The following EPHB3 variants were observed in gnomAD, a reference collection of about 807,000 sequenced individuals.
EPHB3 encodes the protein EPH receptor B3.
In EPHB3, 33 loss-of-function variants were observed where a neutral mutation model predicts 100.2. The observed-to-expected ratio is 0.33, with a 90% CI of 0.25 to 0.44. The LOEUF (loss-of-function observed/expected upper bound fraction) is 0.44. Among genes scored for constraint, EPHB3 ranks in the 20% least tolerant of loss-of-function variants. The pLI is 1.00. For missense variants in EPHB3, 1,045 were observed against 1,378.3 expected (o/e 0.76, Z 3.83); for synonymous variants, 526 against 554.7 (o/e 0.95, Z 0.73).
Position 184,563,694 on chromosome 3 carries a change from CAT to C in EPHB3, c.118+1342_118+1343del, listed in dbSNP as rs1300738040. Among the ~76,000 whole-genome samples the C allele has an allele frequency of 5.3e-5, 8 of 152,230 alleles. No homozygotes were observed. Among genetic ancestry groups the C allele is most frequent in the Non-Finnish European group, 7.3e-5 (5 of 68,044 alleles). The stretch of plus-strand genomic sequence containing the variant: ...GCCCACACTCGCACACACTCACCCA[CAT>C]GTGTGTGATAGGATCGCAGGCGTGA... On this transcript the variant is annotated intron_variant, in intron 1 of 15. Transcript: ENST00000330394. This position sits in a 1 kb window ranked among gnomAD's most constrained non-coding sequence, Gnocchi z 4.1.
In EPHB3 at chr3:184,579,911, T is replaced by C. The variant is rs1426946874; in HGVS notation, c.2149T>C (p.Cys717Arg). The C allele has an allele frequency of 5.0e-6, 8 of 1,613,716 alleles. No individual in the cohort carries two copies. Among genetic ancestry groups the C allele is most frequent in the Non-Finnish European group, 8.5e-7 (1 of 1,179,938 alleles). ...GATCCTCACTGAGTTCATGGAAAAC[T>C]GCGCCCTGGACTCCTTCCTCCGGGT... ...VMILTEFMEN[C>R]ALDSFLRLND... The change falls in exon 11 of 16, where the codon TGC becomes CGC. Residue 717 changes from cysteine (C) to arginine (R), a missense_variant. Around this residue, in one of 2 missense-constraint regions of EPHB3, gnomAD observed 985 missense variants for 1,331.1 expected, o/e 0.74. Coordinates refer to ENST00000330394, the MANE Select transcript of EPHB3 (RefSeq NM_004443.4). This position sits in a 1 kb window ranked among gnomAD's most constrained non-coding sequence, Gnocchi z 5.2.
rs762788708 is a variant in EPHB3, at chr3:184,572,546, C to T, written c.226C>T (p.Arg76Cys). 2 of 1,557,644 alleles carry T rather than the reference C, an allele frequency of 1.3e-6. No homozygotes were observed. Among genetic ancestry groups the T allele is most frequent in the Non-Finnish European group, 1.7e-6 (2 of 1,156,524 alleles). The part of the protein sequence containing the change: ...SGYDEAMNPI[R>C]TYQVCNVRES... ...CTACGATGAGGCCATGAATCCCATCCGCACATACCAGGTGTGTAATGTGCG... is the reference window on the plus strand; with the variant it reads ...CTACGATGAGGCCATGAATCCCATCTGCACATACCAGGTGTGTAATGTGCG... The change falls in exon 3 of 16, where the codon CGC becomes TGC. Residue 76 changes from arginine (R) to cysteine (C), a missense_variant. Arg to Cys is a radical substitution (Grantham distance 180, BLOSUM62 -3). Coordinates refer to ENST00000330394, the MANE Select transcript of EPHB3 (RefSeq NM_004443.4). This position sits in a 1 kb window ranked among gnomAD's most constrained non-coding sequence, Gnocchi z 6.6.
Position 184,581,685 on chromosome 3 carries a change from G to A in EPHB3, c.*63G>A, listed in dbSNP as rs1382933503. 6 of 1,433,812 alleles carry A rather than the reference G, an allele frequency of 4.2e-6. No individual in the cohort carries two copies. In the Admixed American group the frequency reaches 7.9e-5, roughly 19 times the overall value. 88.8% of individuals were successfully genotyped at this position (1,433,812 alleles called of 1,614,324 possible). A position where few individuals can be genotyped will look rare whatever the true frequency, so the allele number is the denominator to read the frequency against. On this transcript the variant is annotated 3_prime_UTR_variant, in exon 16 of 16. Transcript: ENST00000330394. Reference sequence around the variant, plus strand: ...ATGCCAAGCAGCCGGCTGGACTTTCGGACTCTTGGACTTTTGGATGCCTGG... The same window carrying A: ...ATGCCAAGCAGCCGGCTGGACTTTCAGACTCTTGGACTTTTGGATGCCTGG...
chr3:184,568,493 G>A (rs943267675), intron 1 of EPHB3, among the ~76,000 whole-genome samples: 14 of 152,116 alleles, frequency 9.2e-5, no homozygotes, highest in Non-Finnish European at 2.9e-5. Context: ...TACAACACAC[G>A]TACACACACG....
In EPHB3 at chr3:184,579,540, G is replaced by A. The variant is rs763019589; in HGVS notation, c.1865G>A (p.Arg622Gln). 5.0e-6 allele frequency: 8 copies of A among 1,613,876 alleles called. No individual in the cohort carries two copies. The highest frequency in any genetic ancestry group is 1.1e-5 in the South Asian group (1 of 91,074). The change falls in exon 10 of 16, where the codon CGG becomes CAG. Residue 622 changes from arginine to glutamine, a missense_variant. Around this residue, in one of 2 missense-constraint regions of EPHB3, gnomAD observed 985 missense variants for 1,331.1 expected, o/e 0.74. Transcript: ENST00000330394. The surrounding 1 kb of genome is among the most constrained non-coding windows in gnomAD (Gnocchi z 5.2). ...FTYEDPNEAV[R>Q]EFAKEIDVSC... ...TACGAGGACCCTAATGAGGCTGTTC[G>A]GGAGTTTGCCAAGGAGATCGACGTG...
At position 184,578,046 on chromosome 3, in the gene EPHB3, A is replaced by G; in HGVS notation, c.1748+40A>G. ...ACTGTTGCTCCATGGGCCGCCTCGA[A>G]CTGCCCTTTAGCATCCTAGAGCCCT... On this transcript the variant is annotated intron_variant, in intron 8 of 15. Coordinates refer to ENST00000330394, the MANE Select transcript of EPHB3 (RefSeq NM_004443.4). The surrounding 1 kb of genome is among the most constrained non-coding windows in gnomAD (Gnocchi z 4.7). 1 of 1,604,296 alleles carries G rather than the reference A, an allele frequency of 6.2e-7. No homozygotes were observed. Among genetic ancestry groups the G allele is most frequent in the East Asian group, 2.2e-5 (1 of 44,810 alleles).
rs1395367748 is a variant in EPHB3 at position 184,565,765 on chromosome 3, G to A, written c.118+3412G>A. On this transcript the variant is annotated intron_variant, in intron 1 of 15. Transcript: ENST00000330394. The surrounding 1 kb of genome is among the most constrained non-coding windows in gnomAD (Gnocchi z 4.8). ...AGCTGGCCTTCTGAGCAGCTGCTGGGGGCCGGCAGGTATTTGGAAGAACCA... is the reference window on the plus strand; with the variant it reads ...AGCTGGCCTTCTGAGCAGCTGCTGGAGGCCGGCAGGTATTTGGAAGAACCA... 6.6e-6 allele frequency among the ~76,000 whole-genome samples: 1 copy of A among 152,194 alleles called. No homozygotes were observed. Among genetic ancestry groups the A allele is most frequent in the Non-Finnish European group, 1.5e-5 (1 of 68,038 alleles).
Position 184,578,030 on chromosome 3 carries a change from C to A in EPHB3, c.1748+24C>A, listed in dbSNP as rs1362501136. 5.0e-6 allele frequency: 8 copies of A among 1,612,270 alleles called. No homozygotes were observed. Among genetic ancestry groups the A allele is most frequent in the Non-Finnish European group, 6.8e-6 (8 of 1,178,930 alleles). On this transcript the variant is annotated intron_variant, in intron 8 of 15. Transcript: ENST00000330394. This position sits in a 1 kb window ranked among gnomAD's most constrained non-coding sequence, Gnocchi z 4.7. Reference sequence around the variant, plus strand: ...AGGTACTCCCAGGCCCACTGTTGCTCCATGGGCCGCCTCGAACTGCCCTTT... The same window carrying A: ...AGGTACTCCCAGGCCCACTGTTGCTACATGGGCCGCCTCGAACTGCCCTTT...
chr3:184,569,416 C>T lies in EPHB3; in HGVS notation c.119-1902C>T, dbSNP rs1454686809. On this transcript the variant is annotated intron_variant, in intron 1 of 15. Transcript: ENST00000330394. This position sits in a 1 kb window ranked among gnomAD's most constrained non-coding sequence, Gnocchi z 5.4. ...TCCCCGCCAGCCGGCTCCGCACATC[C>T]CTCCGGCTCCGTGCCGCCCACCGCC... Among the ~76,000 whole-genome samples the T allele has an allele frequency of 6.6e-6, 1 of 151,926 alleles. No homozygotes were observed. Among genetic ancestry groups the T allele is most frequent in the Non-Finnish European group, 1.5e-5 (1 of 67,932 alleles).
chr3:184,570,048 T>C (rs1410506214), intron 1 of EPHB3, among the ~76,000 whole-genome samples: 2 of 152,174 alleles, frequency 1.3e-5, no homozygotes, highest in Non-Finnish European at 2.9e-5. Flanking sequence ...AGGGAGCAAG[T>C]GTATGTCAGA....
At position 184,575,977 on chromosome 3, in the gene EPHB3, C is replaced by A; in HGVS notation, c.1004C>A (p.Ala335Asp). 1 of 1,610,814 alleles carries A rather than the reference C, an allele frequency of 6.2e-7. No homozygotes were observed. Among genetic ancestry groups the A allele is most frequent in the Admixed American group, 1.7e-5 (1 of 59,674 alleles). ...YRADSDSADS[A>D]CTTVPSPPRG... is the part of the protein sequence containing the mutation. ...GCAGACTCGGACTCTGCGGACAGTG[C>A]CTGTACCAGTGAGTGAACGCGTGAC... is the stretch of plus-strand genomic sequence containing the variant. Residue 335 changes from alanine to aspartate, a missense_variant, in exon 4 of 16, where the codon GCC becomes GAC. Coordinates refer to ENST00000330394, the MANE Select transcript of EPHB3 (RefSeq NM_004443.4).
rs1487489639 is a variant in EPHB3 at position 184,563,251 on chromosome 3, G to A, written c.118+898G>A. ...CCCAACACCAGCCACAAACAATAGG[G>A]AGGCCCACACACACTCACGCCCCGT... On this transcript the variant is annotated intron_variant, in intron 1 of 15. Coordinates refer to ENST00000330394, the MANE Select transcript of EPHB3 (RefSeq NM_004443.4). The surrounding 1 kb of genome is among the most constrained non-coding windows in gnomAD (Gnocchi z 4.1). Among the ~76,000 whole-genome samples the A allele has an allele frequency of 6.6e-6, 1 of 152,156 alleles. No individual in the cohort carries two copies. The highest frequency in any genetic ancestry group is 2.4e-5 in the African/African-American group (1 of 41,446).
At chr3:184,568,560 T>C in intron 1 of EPHB3, among the ~76,000 whole-genome samples, 1 of 151,696 alleles carries the variant, frequency 6.6e-6, no homozygotes, top group Admixed American at 6.6e-5. Context: ...TGGGTCTCTT[T>C]CTCCCAATAC....
In EPHB3 at chr3:184,571,662, G is replaced by A. The variant is rs1714542982; in HGVS notation, c.183+280G>A. On this transcript the variant is annotated intron_variant, in intron 2 of 15. Transcript: ENST00000330394. This position sits in a 1 kb window ranked among gnomAD's most constrained non-coding sequence, Gnocchi z 5.0. ...CTCTCTTCCTAACAGCCCTCTGCAT[G>A]TCCATCCCCACCATCTCCCTCCTCC... 6.6e-6 allele frequency among the ~76,000 whole-genome samples: 1 copy of A among 151,942 alleles called. No individual in the cohort carries two copies. The highest frequency in any genetic ancestry group is 2.4e-5 in the African/African-American group (1 of 41,358).
Position 184,571,437 on chromosome 3 carries a change from C to T in EPHB3, c.183+55C>T. ...TTGTTTGCCATTAGGCCTCCCCCCACTTCCAGCCTCCGTGCCCCCTCATCT... is the reference window on the plus strand; with the variant it reads ...TTGTTTGCCATTAGGCCTCCCCCCATTTCCAGCCTCCGTGCCCCCTCATCT... On this transcript the variant is annotated intron_variant, in intron 2 of 15. Transcript: ENST00000330394. This position sits in a 1 kb window ranked among gnomAD's most constrained non-coding sequence, Gnocchi z 5.0. 1 of 1,596,764 alleles carries T rather than the reference C, an allele frequency of 6.3e-7. No individual in the cohort carries two copies.
In EPHB3 at chr3:184,572,621, G is replaced by T; in HGVS notation, c.301G>T (p.Asp101Tyr). The T allele has an allele frequency of 1.3e-6, 2 of 1,555,550 alleles. No homozygotes were observed. The highest frequency in any genetic ancestry group is 8.7e-7 in the Non-Finnish European group (1 of 1,151,084). Residue 101 changes from aspartate to tyrosine, a missense_variant, in exon 3 of 16, where the codon GAT (aspartate) becomes TAT (tyrosine). By Grantham distance (160) the Asp-to-Tyr change is radical (BLOSUM62 -3). Transcript: ENST00000330394. The surrounding 1 kb of genome is among the most constrained non-coding windows in gnomAD (Gnocchi z 6.6). The stretch of plus-strand genomic sequence containing the variant: ...TCGCACGGGGTTCATCTGGCGGCGG[G>T]ATGTGCAGCGGGTCTACGTGGAGCT... The part of the protein sequence containing the change: ...WLRTGFIWRR[D>Y]VQRVYVELKF...
At chr3:184,568,965 C>A (rs1020595434) in intron 1 of EPHB3, among the ~76,000 whole-genome samples, 1 of 151,436 alleles carries the variant, frequency 6.6e-6, no homozygotes, top group Admixed American at 6.6e-5. Flanking sequence ...CCCTCCTTCC[C>A]GCCGCCGCCT....
chr3:184,579,837 C>G lies in EPHB3; in HGVS notation c.2075C>G (p.Pro692Arg). 1 of 1,613,736 alleles carries G rather than the reference C, an allele frequency of 6.2e-7. No homozygotes were observed. Among genetic ancestry groups the G allele is most frequent in the Non-Finnish European group, 8.5e-7 (1 of 1,179,952 alleles). The stretch of plus-strand genomic sequence containing the variant: ...TCCATCATGGGTCAGTTTGATCACC[C>G]CAATATAATCCGGCTCGAGGGCGTG... Reference protein sequence around the residue: ...EASIMGQFDHPNIIRLEGVVT... With the variant: ...EASIMGQFDHRNIIRLEGVVT... Residue 692 changes from proline to arginine, a missense_variant, in exon 11 of 16, where the codon CCC becomes CGC. Pro to Arg is a moderately radical substitution (Grantham distance 103). Coordinates refer to ENST00000330394, the MANE Select transcript of EPHB3 (RefSeq NM_004443.4). This position sits in a 1 kb window ranked among gnomAD's most constrained non-coding sequence, Gnocchi z 5.2.
rs199641642 is a variant in EPHB3 at position 184,577,504 on chromosome 3, G to T, written c.1479+37G>T. The T allele has an allele frequency of 2.7e-4, 439 of 1,610,922 alleles. 1 individual carries two copies. The highest frequency in any genetic ancestry group is 3.1e-4 in the Non-Finnish European group (366 of 1,178,392). On this transcript the variant is annotated intron_variant, in intron 6 of 15. Coordinates refer to ENST00000330394, the MANE Select transcript of EPHB3 (RefSeq NM_004443.4). This position sits in a 1 kb window ranked among gnomAD's most constrained non-coding sequence, Gnocchi z 4.9. ...AAGGGGCAGGAGGAGGCCTTGGGCT[G>T]AGCTGGGCTGAGAAAATTACCCCCG...
Sources: allele counts gnomAD v4.1 joint callset (sites outside exome capture counted in the v4.1 genomes callset), GRCh38; gene constraint gnomAD v4.1.1; regional missense constraint gnomAD v4.1.1; non-coding constraint Gnocchi (gnomAD v3.1); transcripts MANE v1.5; gene names NCBI Gene and HGNC (gene_info 2026-07-23, HGNC 2026-07-21).